The following LARP4B variants were observed in gnomAD, a reference collection of about 807,000 sequenced individuals.
The protein encoded by LARP4B is La ribonucleoprotein 4B, also known as la-related protein 4B.
In LARP4B, 12 loss-of-function variants were observed where a neutral mutation model predicts 89.8. That is an observed-to-expected ratio of 0.13 (90% confidence interval 0.09 to 0.22). The LOEUF (loss-of-function observed/expected upper bound fraction) is 0.22, where lower values mean the gene tolerates loss of function less well. Among genes scored for constraint, LARP4B ranks in the 10% least tolerant of loss-of-function variants. The probability of loss-of-function intolerance (pLI) is 1.00; values close to 1 mark genes in which losing one functional copy is unlikely to be tolerated. For missense variants in LARP4B, 757 were observed against 947.7 expected, an observed-to-expected ratio of 0.80 and a Z score of 2.64; for synonymous variants, 367 against 363.3, an observed-to-expected ratio of 1.01 and a Z score of -0.12.
chr10:945,561 G>T, the LARP4B span, among the ~76,000 whole-genome samples: 1 of 151,770 alleles, frequency 6.6e-6, no homozygotes, highest in Non-Finnish European at 1.5e-5. Flanking sequence ...GGTGGCGGGC[G>T]CCTGTAGTCC....
the LARP4B span, among the ~76,000 whole-genome samples, chr10:956,477 C>G: frequency 1.3e-5 from 2 of 151,996 alleles, no homozygotes; most frequent in African/African-American, 4.8e-5. This position sits in a 1 kb window ranked among gnomAD's most constrained non-coding sequence, Gnocchi z 4.3. Flanking sequence ...TCCCTAGTAG[C>G]TGGGACTACA....
At chr10:942,460 C>T in the LARP4B span, 2 of 152,190 alleles carry the variant, frequency 1.3e-5, no homozygotes, top group Non-Finnish European at 2.9e-5. Context: ...TCTTCTTTTA[C>T]GAATGTCCTA....
the LARP4B span, among the ~76,000 whole-genome samples, chr10:944,816 A>G: frequency 6.6e-6 from 1 of 151,742 alleles, no homozygotes; most frequent in African/African-American, 2.4e-5. Context: ...TCCAGTCCCT[A>G]AATGGTTGGC....
chr10:946,796 A>AAACATTCAGTGATGAG, the LARP4B span, among the ~76,000 whole-genome samples: 1 of 152,204 alleles, frequency 6.6e-6, no homozygotes, highest in Admixed American at 6.5e-5. Context: ...TCTTTGTGGA[A>AAACATTCAGTGATGAG]AACATTCAGT....
chr10:818,057 G>A, intron 14 of LARP4B, 168 bp from the exon 15 acceptor site: 1 of 611,972 alleles, frequency 1.6e-6, no homozygotes, highest in East Asian at 2.8e-5. Context: ...CAACCATCTA[G>A]AGCAGAGCTG....
intron 3 of LARP4B, among the ~76,000 whole-genome samples, chr10:873,671 A>G (rs1835334889): frequency 1.3e-5 from 2 of 152,238 alleles, no homozygotes; most frequent in African/African-American, 4.8e-5. Context: ...ATAAATAGCA[A>G]TTTAAAAAGA....
chr10:831,556 C>CAA (rs1267027733), intron 8 of LARP4B, among the ~76,000 whole-genome samples: 1 of 152,166 alleles, frequency 6.6e-6, no homozygotes, highest in Non-Finnish European at 1.5e-5. Context: ...GCCTGGGAAA[C>CAA]AACCGCCTGA....
the LARP4B span, among the ~76,000 whole-genome samples, chr10:956,210 C>T: frequency 5.0e-4 from 76 of 152,288 alleles, no homozygotes; most frequent in East Asian, 1.2e-3. The surrounding 1 kb of genome is among the most constrained non-coding windows in gnomAD (Gnocchi z 4.3). Flanking sequence ...CTGAGCGTGA[C>T]GGCAGCTTGG....
chr10:931,764 A>G (rs1830625883), upstream of LARP4B: 2 of 150,112 alleles, frequency 1.3e-5, no homozygotes, highest in African/African-American at 4.9e-5. Flanking sequence ...TCGCGCCCTG[A>G]ACTCGCGCAC....
At chr10:876,480 A>C (rs1401414052) in intron 3 of LARP4B, among the ~76,000 whole-genome samples, 1 of 152,252 alleles carries the variant, frequency 6.6e-6, no homozygotes, top group African/African-American at 2.4e-5. Context: ...CAGGGCAGAC[A>C]ATATTAAATA....
At chr10:889,195 A>G (rs1023398583) in intron 1 of LARP4B, among the ~76,000 whole-genome samples, 1 of 152,242 alleles carries the variant, frequency 6.6e-6, no homozygotes, top group African/African-American at 2.4e-5. Context: ...TTGTGCATTT[A>G]TATTATTATA....
rs150131338 is a variant in LARP4B at position 842,779 on chromosome 10, T to C, written c.646+153A>G. ...ACTATCAGGCGCTACTCCAGAATTA[T>C]TGGACCTGGGCAGAAAGGAACGGAA... On this transcript the variant is annotated intron_variant, in intron 7 of 17. Coordinates refer to ENST00000316157, the MANE Select transcript of LARP4B (RefSeq NM_015155.3). Among the ~76,000 whole-genome samples the C allele has an allele frequency of 9.3e-4, 141 of 152,314 alleles. 1 individual carries two copies. Among genetic ancestry groups the C allele is most frequent in the Non-Finnish European group, 1.6e-3 (111 of 68,030 alleles).
intron 5 of LARP4B, among the ~76,000 whole-genome samples, chr10:858,130 G>A (rs1380343147): frequency 6.6e-6 from 1 of 152,154 alleles, no homozygotes; most frequent in Non-Finnish European, 1.5e-5. Flanking sequence ...GGTTAACAAT[G>A]AGGGCTCCTC....
chr10:816,378 A>C (rs1832056593), intron 15 of LARP4B, among the ~76,000 whole-genome samples: 1 of 152,208 alleles, frequency 6.6e-6, no homozygotes, highest in East Asian at 1.9e-4. Context: ...TCATTTCTGG[A>C]GCCTCCACCC....
chr10:873,385 G>C (rs141067184), intron 3 of LARP4B: 14,946 of 985,298 alleles, frequency 0.015, 129 homozygotes, highest in Middle Eastern at 0.031. Flanking sequence ...CAAAAGCTCA[G>C]AACAGCAGCA....
chr10:916,575 A>G (rs1836828088), intron 1 of LARP4B, among the ~76,000 whole-genome samples: 1 of 152,204 alleles, frequency 6.6e-6, no homozygotes, highest in Non-Finnish European at 1.5e-5. Context: ...CATGCCTGTA[A>G]TCCCAGATAC....
intron 5 of LARP4B, among the ~76,000 whole-genome samples, chr10:848,782 G>GT (rs1450235081): frequency 3.9e-5 from 6 of 152,094 alleles, no homozygotes; most frequent in Non-Finnish European, 8.8e-5. Context: ...GAGCTCAAGT[G>GT]TAACAGCAGA....
At position 919,967 on chromosome 10, in the gene LARP4B, T is replaced by A. The variant is rs192135018; in HGVS notation, c.-40+11461A>T. On this transcript the variant is annotated intron_variant, in intron 1 of 17. Coordinates refer to ENST00000316157, the MANE Select transcript of LARP4B (RefSeq NM_015155.3). ...TATTTGGATTAAGGTTAATGGATTATCTAAAATGACAAAACACTTAATTTT... is the reference window on the plus strand; with the variant it reads ...TATTTGGATTAAGGTTAATGGATTAACTAAAATGACAAAACACTTAATTTT... 6.6e-5 allele frequency among the ~76,000 whole-genome samples: 10 copies of A among 152,356 alleles called. No homozygotes were observed. The East Asian group carries it at 1.9e-3, about 29-fold the overall frequency.
intron 5 of LARP4B, among the ~76,000 whole-genome samples, chr10:856,635 G>C (rs1413922966): frequency 6.6e-6 from 1 of 152,164 alleles, no homozygotes; most frequent in Admixed American, 6.5e-5. Flanking sequence ...AAAACTGCAG[G>C]GAGTCTCAGT....
Sources: allele counts gnomAD v4.1 joint callset (sites outside exome capture counted in the v4.1 genomes callset), GRCh38; gene constraint gnomAD v4.1.1; non-coding constraint Gnocchi (gnomAD v3.1); transcripts MANE v1.5; gene names NCBI Gene and HGNC (gene_info 2026-07-23, HGNC 2026-07-21).